The following PPFIA1 variants were observed in gnomAD, a reference collection of about 807,000 sequenced individuals.
PPFIA1 encodes liprin-alpha-1.
In PPFIA1, 25 loss-of-function variants were observed where a neutral mutation model predicts 149.9. The observed-to-expected ratio is 0.17, with a 90% CI of 0.12 to 0.23. The LOEUF is 0.23. PPFIA1 is among the 10% of genes least tolerant of loss of function. PPFIA1 has a pLI of 1.00. For missense variants in PPFIA1, 1,362 were observed against 1,506.5 expected, an observed-to-expected ratio of 0.90 and a Z score of 1.59; for synonymous variants, 549 against 552.8, an observed-to-expected ratio of 0.99 and a Z score of 0.10.
intron 2 of PPFIA1, among the ~76,000 whole-genome samples, chr11:70,277,942 C>T (rs773837893): frequency 6.6e-6 from 1 of 152,118 alleles, no homozygotes; most frequent in East Asian, 1.9e-4. Context: ...GATGGAGTCT[C>T]GCTCTGTCGC....
chr11:70,343,900 C>T lies in PPFIA1; in HGVS notation c.1931+8C>T, dbSNP rs1484243584. The stretch of plus-strand genomic sequence containing the variant: ...CATCAACAAAGAGATCAGGTGTGTG[C>T]AACCGTGCATGACACTCACCACACG... On this transcript the variant is annotated splice_region_variant and intron_variant, in intron 15 of 27. Transcript: ENST00000253925. 1.9e-6 allele frequency: 3 copies of T among 1,608,858 alleles called. No individual in the cohort carries two copies. Among genetic ancestry groups the T allele is most frequent in the Non-Finnish European group, 2.5e-6 (3 of 1,177,712 alleles).
intron 2 of PPFIA1, among the ~76,000 whole-genome samples, chr11:70,319,565 C>T (rs2053817611): frequency 6.6e-6 from 1 of 152,218 alleles, no homozygotes; most frequent in Admixed American, 6.5e-5. Flanking sequence ...TTCCAGCGAC[C>T]TTTCATTGCT....
chr11:70,302,486 G>A (rs1331469055), intron 2 of PPFIA1, among the ~76,000 whole-genome samples: 1 of 152,192 alleles, frequency 6.6e-6, no homozygotes, highest in Non-Finnish European at 1.5e-5. Flanking sequence ...CGGCAACAGA[G>A]CTGTGAGCTG....
chr11:70,277,584 A>T (rs1208333286), intron 2 of PPFIA1, among the ~76,000 whole-genome samples: 1 of 149,736 alleles, frequency 6.7e-6, no homozygotes, highest in Non-Finnish European at 1.5e-5. Flanking sequence ...TCCATCTCCC[A>T]TGTTTGAGCG....
chr11:70,294,416 G>C (rs961019111), intron 2 of PPFIA1, among the ~76,000 whole-genome samples: 2 of 152,128 alleles, frequency 1.3e-5, no homozygotes, highest in Non-Finnish European at 2.9e-5. Flanking sequence ...ATATGCCCAC[G>C]TCCTTTAGAC....
intron 2 of PPFIA1, among the ~76,000 whole-genome samples, chr11:70,313,905 A>G (rs2136574736): frequency 6.6e-6 from 1 of 152,216 alleles, no homozygotes; most frequent in Non-Finnish European, 1.5e-5. Context: ...GTGGTCCCAG[A>G]TACTTGGGAG....
chr11:70,295,263 T>C (rs1268369990), intron 2 of PPFIA1, among the ~76,000 whole-genome samples: 3,150 of 74,840 alleles, frequency 0.042, 212 homozygotes, highest in African/African-American at 0.11. Flanking sequence ...CCGGACGGGG[T>C]GGCTGGCCGG....
chr11:70,326,173 G>A (rs2054272516), intron 5 of PPFIA1, 89 bp from the exon 6 acceptor site: 1 of 740,590 alleles, frequency 1.4e-6, no homozygotes, highest in African/African-American at 1.8e-5. Context: ...GCAGTTTTTA[G>A]TTGTGTTTTT....
At chr11:70,357,766 T>C (rs1229825820) in intron 19 of PPFIA1, among the ~76,000 whole-genome samples, 1 of 152,092 alleles carries the variant, frequency 6.6e-6, no homozygotes, top group Non-Finnish European at 1.5e-5. Flanking sequence ...TTTTTGTATT[T>C]TTAGTAGAGA....
chr11:70,327,074 G>C (rs913079784), intron 7 of PPFIA1: 4 of 440,058 alleles, frequency 9.1e-6, no homozygotes, highest in African/African-American at 8.0e-5. Flanking sequence ...TGGCCATGAA[G>C]TGGACGCCAC....
chr11:70,313,443 G>A (rs986635620), intron 2 of PPFIA1, among the ~76,000 whole-genome samples: 1 of 152,174 alleles, frequency 6.6e-6, no homozygotes, highest in Non-Finnish European at 1.5e-5. Flanking sequence ...GAATGGATCC[G>A]AGCGGGGAAA....
chr11:70,324,422 A>G lies in PPFIA1; in HGVS notation c.285A>G (p.Lys95=). Residue 95 remains lysine (K), a synonymous_variant, in exon 3 of 28, where the codon AAA becomes AAG. Transcript: ENST00000253925. ...TCTAGGAGTTCGCAGCACTTACTAA[A>G]GAACTCAATGTATGCAGGGAACAGC... ...ALPQEFAALT[K]ELNVCREQLL... is the part of the protein sequence containing the mutation. 3.7e-6 allele frequency: 6 copies of G among 1,611,142 alleles called. No homozygotes were observed. The highest frequency in any genetic ancestry group is 5.1e-6 in the Non-Finnish European group (6 of 1,178,704).
In PPFIA1 at chr11:70,329,234, T is replaced by A. The variant is rs758770138; in HGVS notation, c.931-939T>A. On this transcript the variant is annotated intron_variant, in intron 7 of 27. Transcript: ENST00000253925. ...CTTCTTTGAGGACACTTTCACCTCC[T>A]TGAAAAATATTTAGATATTTGAGTG... is the stretch of plus-strand genomic sequence containing the variant. 1.0e-3 allele frequency among the ~76,000 whole-genome samples: 156 copies of A among 152,174 alleles called. 1 individual carries two copies. Among genetic ancestry groups the A allele is most frequent in the Non-Finnish European group, 5.3e-4 (36 of 68,036 alleles).
intron 2 of PPFIA1, among the ~76,000 whole-genome samples, chr11:70,289,061 G>A (rs560800808): frequency 2.4e-4 from 35 of 147,428 alleles, no homozygotes; most frequent in Admixed American, 1.7e-3. Context: ...TCCGCCTCCC[G>A]GGTTCAAGCA....
chr11:70,349,527 A>G (rs944754114), intron 16 of PPFIA1, among the ~76,000 whole-genome samples: 4 of 152,114 alleles, frequency 2.6e-5, no homozygotes, highest in African/African-American at 9.7e-5. Flanking sequence ...TGTCAATGAA[A>G]TATTTCATAT....
rs1015932830 is a variant in PPFIA1 at position 70,376,523 on chromosome 11, T to A, written c.3316-9T>A. On this transcript the variant is annotated splice_polypyrimidine_tract_variant and intron_variant, in intron 24 of 27. Coordinates refer to ENST00000253925, the MANE Select transcript of PPFIA1 (RefSeq NM_003626.5). Reference sequence around the variant, plus strand: ...GAAAGTTTTATTTGTTTTTCTTTGGTTATTTCAGGCTCGTGCTGTCTTGGA... The same window carrying A: ...GAAAGTTTTATTTGTTTTTCTTTGGATATTTCAGGCTCGTGCTGTCTTGGA... 1.9e-6 allele frequency: 3 copies of A among 1,610,312 alleles called. No homozygotes were observed. The highest frequency in any genetic ancestry group is 3.3e-5 in the Admixed American group (2 of 59,984).
At chr11:70,355,477 G>A (rs534137908) in intron 17 of PPFIA1, among the ~76,000 whole-genome samples, 162 bp from the exon 18 acceptor site, 2 of 152,270 alleles carry the variant, frequency 1.3e-5, no homozygotes, top group South Asian at 2.1e-4. Flanking sequence ...ATGGGTCTCC[G>A]CGCTGGCCTC....
At chr11:70,369,324 GAAT>G (rs2057113450) in intron 21 of PPFIA1, among the ~76,000 whole-genome samples, 1 of 151,954 alleles carries the variant, frequency 6.6e-6, no homozygotes, top group Non-Finnish European at 1.5e-5. Context: ...TATGTTTCTA[GAAT>G]AATAAGCCAT....
intron 2 of PPFIA1, among the ~76,000 whole-genome samples, chr11:70,306,154 C>A (rs1281191149): frequency 6.6e-6 from 1 of 152,050 alleles, no homozygotes; most frequent in African/African-American, 2.4e-5. Flanking sequence ...CATGCACGCA[C>A]ACATGCACGC....
Sources: gnomAD v4.1 joint callset for allele counts (sites outside exome capture counted in the v4.1 genomes callset) on GRCh38, gnomAD v4.1.1 for gene constraint, MANE v1.5 for transcripts, NCBI Gene and HGNC (gene_info 2026-07-23, HGNC 2026-07-21) for gene names.